Variants in KCNJ6 observed in about 807,000 individuals in gnomAD.
The protein encoded by KCNJ6 is G protein-activated inward rectifier potassium channel 2.
A neutral mutation model predicts 34.2 loss-of-function variants in KCNJ6; 9 were observed. The observed-to-expected ratio is 0.26, with a 90% confidence interval of 0.16 to 0.46. The LOEUF (loss-of-function observed/expected upper bound fraction) is 0.46, where lower values mean the gene tolerates loss of function less well. Among genes scored for constraint, KCNJ6 ranks in the 20% least tolerant of loss-of-function variants. The probability of loss-of-function intolerance (pLI) is 1.00; values close to 1 mark genes in which losing one functional copy is unlikely to be tolerated. For synonymous variants in KCNJ6, 196 were observed against 207.1 expected, an observed-to-expected ratio of 0.95 and a Z score of 0.46; for missense variants, 236 against 531.3, an observed-to-expected ratio of 0.44 and a Z score of 5.46.
chr21:37,879,731 G>A (rs2055697279), intron 1 of KCNJ6, among the ~76,000 whole-genome samples: 1 of 151,026 alleles, frequency 6.6e-6, no homozygotes, highest in African/African-American at 2.4e-5. Context: ...GTGTGTGTGT[G>A]TGTGTGTGTG....
intron 3 of KCNJ6, among the ~76,000 whole-genome samples, chr21:37,626,822 CT>C (rs1360880709): frequency 2.6e-5 from 4 of 152,210 alleles, no homozygotes; most frequent in Admixed American, 2.0e-4. Context: ...AAAAGATAAA[CT>C]TTTAGATGGA....
intron 2 of KCNJ6, among the ~76,000 whole-genome samples, chr21:37,757,785 A>T (rs1313598632): frequency 6.6e-6 from 1 of 152,238 alleles, no homozygotes; most frequent in Non-Finnish European, 1.5e-5. Flanking sequence ...AGAAGAGAAC[A>T]CCATTTTGAC....
At chr21:37,738,975 T>C in intron 2 of KCNJ6, among the ~76,000 whole-genome samples, 1 of 152,206 alleles carries the variant, frequency 6.6e-6, no homozygotes, top group East Asian at 1.9e-4. Flanking sequence ...GAGAATCCTG[T>C]GTCAGTCACC....
chr21:37,915,736 G>C (rs975762267), intron 1 of KCNJ6, 148 bp downstream of exon 1: 2 of 152,250 alleles, frequency 1.3e-5, no homozygotes, highest in Non-Finnish European at 2.9e-5. Flanking sequence ...CCTTTCGGCT[G>C]ACTTGGGCAC....
chr21:37,905,446 T>G (rs2055836921), intron 1 of KCNJ6, among the ~76,000 whole-genome samples: 1 of 152,160 alleles, frequency 6.6e-6, no homozygotes, highest in South Asian at 2.1e-4. Flanking sequence ...TCATTGCCAA[T>G]ACACCCTATA....
intron 3 of KCNJ6, among the ~76,000 whole-genome samples, chr21:37,641,351 TTGA>T (rs1446241864): frequency 6.6e-6 from 1 of 152,148 alleles, no homozygotes; most frequent in Non-Finnish European, 1.5e-5. Flanking sequence ...GTCAGGCACT[TTGA>T]TGGGTTCTGA....
At chr21:37,815,824 T>A (rs1386750132) in intron 2 of KCNJ6, among the ~76,000 whole-genome samples, 1 of 152,196 alleles carries the variant, frequency 6.6e-6, no homozygotes. Flanking sequence ...AGCCCCCATA[T>A]GTGAATAAAC....
At chr21:37,730,568 G>A (rs2054879100) in intron 2 of KCNJ6, among the ~76,000 whole-genome samples, 1 of 152,192 alleles carries the variant, frequency 6.6e-6, no homozygotes, top group Non-Finnish European at 1.5e-5. Context: ...TACACAATTT[G>A]TAACTACAAT....
chr21:37,848,096 C>G (rs2055519053), intron 1 of KCNJ6, among the ~76,000 whole-genome samples: 2 of 152,284 alleles, frequency 1.3e-5, no homozygotes, highest in African/African-American at 2.4e-5. Context: ...GGAGGCCAGA[C>G]AGCTGCTCAG....
chr21:37,821,642 C>T (rs1311280245), intron 2 of KCNJ6, among the ~76,000 whole-genome samples: 2 of 152,076 alleles, frequency 1.3e-5, no homozygotes, highest in East Asian at 1.9e-4. Context: ...TGTTATCAGT[C>T]GTCCACTTAA....
At chr21:37,896,173 A>G (rs1178097159) in intron 1 of KCNJ6, among the ~76,000 whole-genome samples, 3 of 152,064 alleles carry the variant, frequency 2.0e-5, no homozygotes, top group African/African-American at 7.2e-5. Context: ...CCTTTAAACA[A>G]CCCGATCTCG....
chr21:37,904,726 T>C (rs573127586), intron 1 of KCNJ6, among the ~76,000 whole-genome samples: 1 of 152,286 alleles, frequency 6.6e-6, no homozygotes, highest in Non-Finnish European at 1.5e-5. Context: ...GGTTTGTAGT[T>C]TGACAGATAT....
chr21:37,683,908 G>A (rs2054601441), intron 3 of KCNJ6, among the ~76,000 whole-genome samples: 2 of 152,220 alleles, frequency 1.3e-5, no homozygotes, highest in African/African-American at 4.8e-5. Flanking sequence ...TGGGCAGGAG[G>A]CCAGGCATGA....
intron 3 of KCNJ6, among the ~76,000 whole-genome samples, chr21:37,702,979 G>GA (rs1428528804): frequency 1.3e-5 from 2 of 152,154 alleles, no homozygotes; most frequent in Non-Finnish European, 2.9e-5. Context: ...GGTGGGAAGG[G>GA]AAGCCCATTT....
chr21:37,657,150 C>T (rs186114941), intron 3 of KCNJ6, among the ~76,000 whole-genome samples: 139 of 152,266 alleles, frequency 9.1e-4, no homozygotes, highest in African/African-American at 2.7e-3. Flanking sequence ...CACCCCCAGC[C>T]GGTCCCCAGG....
chr21:37,810,348 G>A (rs990880156), intron 2 of KCNJ6, among the ~76,000 whole-genome samples: 1 of 152,144 alleles, frequency 6.6e-6, no homozygotes, highest in African/African-American at 2.4e-5. Flanking sequence ...AACTTGGAAT[G>A]AGCAACCTTG....
chr21:37,823,696 G>T (rs1472178649), intron 2 of KCNJ6, among the ~76,000 whole-genome samples: 1 of 152,200 alleles, frequency 6.6e-6, no homozygotes, highest in Non-Finnish European at 1.5e-5. Flanking sequence ...CAGCCATGTG[G>T]AACTGTGAGT....
intron 2 of KCNJ6, among the ~76,000 whole-genome samples, chr21:37,796,627 TG>T (rs1437232970): frequency 6.6e-6 from 1 of 152,092 alleles, no homozygotes; most frequent in Admixed American, 6.5e-5. Context: ...CTCCCCTCAT[TG>T]GACCTCAACT....
chr21:37,879,345 C>A (rs569196488), intron 1 of KCNJ6, among the ~76,000 whole-genome samples: 2 of 152,134 alleles, frequency 1.3e-5, no homozygotes, highest in African/African-American at 4.8e-5. Context: ...TTTACTGGAC[C>A]CCCTGCAGCA....
Sources: gnomAD v4.1 joint callset for allele counts (sites outside exome capture counted in the v4.1 genomes callset) on GRCh38, gnomAD v4.1.1 for gene constraint, MANE v1.5 for transcripts, NCBI Gene and HGNC (gene_info 2026-07-23, HGNC 2026-07-21) for gene names.